Variants in SIK2 observed in about 807,000 individuals in gnomAD.
SIK2 encodes salt inducible kinase 2, also known as serine/threonine-protein kinase SIK2.
In SIK2, 29 loss-of-function variants were observed where a neutral mutation model predicts 103.2. The ratio of observed to expected loss-of-function variants is 0.28; its 90% CI spans 0.21 to 0.38. SIK2 has a LOEUF of 0.38. SIK2 is among the 10% of genes least tolerant of loss of function. The probability of loss-of-function intolerance (pLI) is 1.00; values close to 1 mark genes in which losing one functional copy is unlikely to be tolerated. For missense variants in SIK2, 879 were observed against 1,171.0 expected, an observed-to-expected ratio of 0.75 and a Z score of 3.64; for synonymous variants, 412 against 446.1, an observed-to-expected ratio of 0.92 and a Z score of 0.96.
intron 1 of SIK2, among the ~76,000 whole-genome samples, chr11:111,615,388 GTT>G (rs1327501514): frequency 6.6e-6 from 1 of 151,650 alleles, no homozygotes; most frequent in South Asian, 2.1e-4. Context: ...ACATTTTAGA[GTT>G]TTTTCAAAAC....
intron 3 of SIK2, among the ~76,000 whole-genome samples, chr11:111,648,088 A>G (rs1209785037): frequency 6.6e-6 from 1 of 152,038 alleles, no homozygotes; most frequent in Non-Finnish European, 1.5e-5. Context: ...TTGTTTAAGG[A>G]TGAGCTTGCA....
At chr11:111,633,876 T>G (rs577003142) in intron 3 of SIK2, among the ~76,000 whole-genome samples, 1 of 152,314 alleles carries the variant, frequency 6.6e-6, no homozygotes, top group South Asian at 2.1e-4. Flanking sequence ...CTTGGGTTAT[T>G]TATGAGTACA....
rs1201014380 is a variant in SIK2, at chr11:111,705,550, T to C, written c.1101+411T>C. Among the ~76,000 whole-genome samples, 1 of 152,030 alleles carries C rather than the reference T, an allele frequency of 6.6e-6. No individual in the cohort carries two copies. Among genetic ancestry groups the C allele is most frequent in the East Asian group, 1.9e-4 (1 of 5,184 alleles). On this transcript the variant is annotated intron_variant, in intron 8 of 14. Transcript: ENST00000304987. The surrounding 1 kb of genome is among the most constrained non-coding windows in gnomAD (Gnocchi z 4.3). ...AAGACAAGATCATAAACAACCATCATTCAAAATAGGGAAAGATGAGAGCTG... is the reference window on the plus strand; with the variant it reads ...AAGACAAGATCATAAACAACCATCACTCAAAATAGGGAAAGATGAGAGCTG...
intron 8 of SIK2, among the ~76,000 whole-genome samples, chr11:111,706,280 A>G (rs1943343760): frequency 1.3e-5 from 2 of 152,212 alleles, no homozygotes; most frequent in Admixed American, 1.3e-4. Context: ...GGAAGGGACA[A>G]TATGACTTAG....
Position 111,602,773 on chromosome 11 carries a change from G to A in SIK2, c.135+75G>A, listed in dbSNP as rs937861052. ...GAGCTGCTTACCGAGAGGGGCGGCC[G>A]CAGTGGTGGGACCGGGGAGACCCGA... On this transcript the variant is annotated intron_variant, in intron 1 of 14. Coordinates refer to ENST00000304987, the MANE Select transcript of SIK2 (RefSeq NM_015191.3). This position sits in a 1 kb window ranked among gnomAD's most constrained non-coding sequence, Gnocchi z 4.5. 6 of 1,418,406 alleles carry A rather than the reference G, an allele frequency of 4.2e-6. No individual in the cohort carries two copies. The South Asian group carries it at 4.4e-5, about 10-fold the overall frequency. 87.9% of individuals were successfully genotyped at this position (1,418,406 alleles called of 1,614,324 possible). A position where few individuals can be genotyped will look rare whatever the true frequency, so the allele number is the denominator to read the frequency against.
intron 3 of SIK2, among the ~76,000 whole-genome samples, chr11:111,685,355 G>A (rs1452039381): frequency 1.3e-5 from 2 of 152,220 alleles, no homozygotes; most frequent in Non-Finnish European, 2.9e-5. Context: ...CAGGGGTTGA[G>A]GACCCCTCTT....
At position 111,653,585 on chromosome 11, in the gene SIK2, C is replaced by G. The variant is rs577551525; in HGVS notation, c.316+33183C>G. 1.5e-3 allele frequency among the ~76,000 whole-genome samples: 224 copies of G among 152,334 alleles called. 2 individuals are homozygous for G. The highest frequency in any genetic ancestry group is 5.2e-3 in the African/African-American group (218 of 41,582). On this transcript the variant is annotated intron_variant, in intron 3 of 14. Transcript: ENST00000304987. ...AAATTGAGGTGTAATGAAGGCTTGT[C>G]TTCCTCACAGGGTGGAGATCAGATT... is the stretch of plus-strand genomic sequence containing the variant.
intron 9 of SIK2, among the ~76,000 whole-genome samples, chr11:111,716,908 C>T (rs1943656952): frequency 6.6e-6 from 1 of 152,036 alleles, no homozygotes; most frequent in African/African-American, 2.4e-5. Context: ...ATATCCAGCC[C>T]ATAAGGAACT....
intron 4 of SIK2, among the ~76,000 whole-genome samples, chr11:111,697,500 G>A (rs966333791): frequency 9.2e-5 from 14 of 152,070 alleles, no homozygotes; most frequent in South Asian, 4.2e-4. Context: ...TGTTTCAATC[G>A]CAATATAATA....
At chr11:111,664,506 C>T (rs1942508893) in intron 3 of SIK2, among the ~76,000 whole-genome samples, 1 of 152,150 alleles carries the variant, frequency 6.6e-6, no homozygotes. Flanking sequence ...GTCCCAGCTA[C>T]TAGGGAGGCT....
At position 111,723,524 on chromosome 11, in the gene SIK2, A is replaced by G; in HGVS notation, c.2176A>G (p.Lys726Glu). ...RLQQKRLFLQ[K>E]QSQLQAYFNQ... Reference sequence around the variant, plus strand: ...CCAGCAGAAGCGACTCTTTCTTCAGAAGCAGTCTCAACTGCAGGCCTATTT... The same window carrying G: ...CCAGCAGAAGCGACTCTTTCTTCAGGAGCAGTCTCAACTGCAGGCCTATTT... Residue 726 changes from lysine (K) to glutamate (E), a missense_variant, in exon 15 of 15, where the codon AAG (lysine) becomes GAG (glutamate). Lys to Glu is a moderately conservative substitution (Grantham distance 56). This residue lies in a region of SIK2 where 375 missense variants were observed against 416.3 expected (regional missense o/e 0.90). Transcript: ENST00000304987. 1.2e-6 allele frequency: 2 copies of G among 1,609,448 alleles called. No homozygotes were observed. Among genetic ancestry groups the G allele is most frequent in the Non-Finnish European group, 1.7e-6 (2 of 1,176,906 alleles).
intron 3 of SIK2, among the ~76,000 whole-genome samples, chr11:111,621,057 G>A (rs1941876724): frequency 6.6e-6 from 1 of 152,124 alleles, no homozygotes; most frequent in Non-Finnish European, 1.5e-5. Context: ...TGTTCTTAAA[G>A]TCCAAAATTG....
At chr11:111,709,123 A>G (rs548049608) in intron 8 of SIK2, among the ~76,000 whole-genome samples, 5 of 152,332 alleles carry the variant, frequency 3.3e-5, no homozygotes, top group Non-Finnish European at 5.9e-5. Context: ...GAGGCCGGAA[A>G]TCAGGATGAG....
chr11:111,664,978 T>C (rs1197341989), intron 3 of SIK2, among the ~76,000 whole-genome samples: 1 of 152,124 alleles, frequency 6.6e-6, no homozygotes, highest in Non-Finnish European at 1.5e-5. Context: ...TTACAGTGGC[T>C]CTAAGCTAAC....
At chr11:111,614,082 C>T (rs948932328) in intron 1 of SIK2, among the ~76,000 whole-genome samples, 1 of 123,024 alleles carries the variant, frequency 8.1e-6, no homozygotes, top group African/African-American at 2.6e-5. Context: ...TGACTCTCCC[C>T]CCATTTTTTT....
intron 3 of SIK2, among the ~76,000 whole-genome samples, chr11:111,654,993 CTT>C (rs750966259): frequency 6.6e-6 from 1 of 152,210 alleles, no homozygotes; most frequent in Non-Finnish European, 1.5e-5. Context: ...CAATCATTCT[CTT>C]GACAGAAAAT....
chr11:111,678,042 G>A (rs1178587378), intron 3 of SIK2, among the ~76,000 whole-genome samples: 1 of 152,170 alleles, frequency 6.6e-6, no homozygotes, highest in Non-Finnish European at 1.5e-5. Flanking sequence ...GTTTGACTTT[G>A]ACTTCTTCAG....
At chr11:111,633,372 G>A (rs1942063941) in intron 3 of SIK2, among the ~76,000 whole-genome samples, 1 of 152,174 alleles carries the variant, frequency 6.6e-6, no homozygotes, top group East Asian at 1.9e-4. Context: ...GTAAGCTTCT[G>A]TTGAGGACTT....
chr11:111,668,663 G>A (rs867986418), intron 3 of SIK2, among the ~76,000 whole-genome samples: 3 of 152,216 alleles, frequency 2.0e-5, no homozygotes, highest in Non-Finnish European at 4.4e-5. Context: ...AGTGACGTGG[G>A]AAGCCATTGG....
Sources: gnomAD v4.1 joint callset for allele counts (sites outside exome capture counted in the v4.1 genomes callset) on GRCh38, gnomAD v4.1.1 for gene constraint, gnomAD v4.1.1 regional missense constraint, Gnocchi (gnomAD v3.1) non-coding constraint, MANE v1.5 for transcripts, NCBI Gene and HGNC (gene_info 2026-07-23, HGNC 2026-07-21) for gene names.